ARB2A: variants seen among roughly 807,000 people sequenced by gnomAD.
The protein encoded by ARB2A is ARB2 cotranscriptional regulator A.
the ARB2A span, among the ~76,000 whole-genome samples, chr5:93,650,854 T>A: frequency 6.7e-6 from 1 of 150,330 alleles, no homozygotes. Context: ...TATCCAGGCA[T>A]GGTCGTGCAT....
the ARB2A span, among the ~76,000 whole-genome samples, chr5:93,747,114 C>T: frequency 6.6e-6 from 1 of 151,988 alleles, no homozygotes; most frequent in African/African-American, 2.4e-5. Context: ...CATTGCACTG[C>T]ACAATAAAAT....
At chr5:93,999,163 T>A in the ARB2A span, among the ~76,000 whole-genome samples, 1 of 152,014 alleles carries the variant, frequency 6.6e-6, no homozygotes, top group African/African-American at 2.4e-5. Context: ...AAGGCATTTT[T>A]TTTTTTTCTA....
the ARB2A span, among the ~76,000 whole-genome samples, chr5:94,010,647 A>C: frequency 1.1e-4 from 17 of 152,116 alleles, no homozygotes; most frequent in Admixed American, 4.6e-4. Context: ...TCTCATTTAC[A>C]GTCTATATAA....
At chr5:93,849,335 T>G in the ARB2A span, among the ~76,000 whole-genome samples, 1 of 152,118 alleles carries the variant, frequency 6.6e-6, no homozygotes, top group Non-Finnish European at 1.5e-5. Flanking sequence ...AAATACAGAA[T>G]GTAAAAAGAA....
chr5:93,708,912 A>G, the ARB2A span, among the ~76,000 whole-genome samples: 2 of 152,200 alleles, frequency 1.3e-5, no homozygotes, highest in Non-Finnish European at 2.9e-5. Context: ...TATAAAGTTT[A>G]GGTATAAGAT....
chr5:93,977,414 T>C, the ARB2A span, among the ~76,000 whole-genome samples: 1 of 151,864 alleles, frequency 6.6e-6, no homozygotes, highest in Non-Finnish European at 1.5e-5. Context: ...GGTACAAAAA[T>C]AGATACATAG....
chr5:93,761,736 C>G, the ARB2A span, among the ~76,000 whole-genome samples: 2 of 152,200 alleles, frequency 1.3e-5, no homozygotes, highest in African/African-American at 4.8e-5. Context: ...AGCTGGAGAT[C>G]TGAGAACAGA....
the ARB2A span, among the ~76,000 whole-genome samples, chr5:93,950,082 A>G: frequency 1.6e-4 from 25 of 152,130 alleles, no homozygotes; most frequent in African/African-American, 6.0e-4. Flanking sequence ...CATTGCATAT[A>G]TGTACCACAT....
At chr5:93,758,181 C>T in the ARB2A span, among the ~76,000 whole-genome samples, 1 of 152,092 alleles carries the variant, frequency 6.6e-6, no homozygotes, top group African/African-American at 2.4e-5. Context: ...AAGGCCTTGT[C>T]CAACAGGAAA....
the ARB2A span, among the ~76,000 whole-genome samples, chr5:93,754,488 T>A: frequency 1.3e-5 from 2 of 152,168 alleles, no homozygotes; most frequent in Non-Finnish European, 2.9e-5. Flanking sequence ...GGGCTGAAAG[T>A]ACATAAGCCT....
chr5:94,016,572 C>T, the ARB2A span, among the ~76,000 whole-genome samples: 2 of 152,178 alleles, frequency 1.3e-5, no homozygotes, highest in African/African-American at 2.4e-5. Flanking sequence ...GATGAAGCAG[C>T]TAATATGTTA....
chr5:93,752,938 C>T, the ARB2A span, among the ~76,000 whole-genome samples: 104 of 152,162 alleles, frequency 6.8e-4, no homozygotes, highest in South Asian at 2.3e-3. Flanking sequence ...GTTAACTCTA[C>T]AGTAATAAAA....
chr5:93,895,949 T>C, the ARB2A span, among the ~76,000 whole-genome samples: 1 of 151,878 alleles, frequency 6.6e-6, no homozygotes, highest in Non-Finnish European at 1.5e-5. Context: ...AATATTTATA[T>C]CAAGTAGAAA....
chr5:93,773,293 C>G, the ARB2A span, among the ~76,000 whole-genome samples: 15 of 152,186 alleles, frequency 9.9e-5, no homozygotes, highest in Admixed American at 6.5e-4. Context: ...ACTGAATCAA[C>G]AGGACATGGA....
the ARB2A span, among the ~76,000 whole-genome samples, chr5:94,069,050 A>ATAGATAGG: frequency 1.3e-5 from 2 of 150,032 alleles, no homozygotes; most frequent in African/African-American, 4.9e-5. Context: ...AGATAGATAG[A>ATAGATAGG]TAGATAGATA....
chr5:93,913,367 G>A, the ARB2A span, among the ~76,000 whole-genome samples: 1 of 151,904 alleles, frequency 6.6e-6, no homozygotes, highest in East Asian at 1.9e-4. Context: ...AAGGGGTCAT[G>A]TTCAGCTAAG....
the ARB2A span, among the ~76,000 whole-genome samples, chr5:93,981,640 T>C: frequency 6.6e-6 from 1 of 151,722 alleles, no homozygotes; most frequent in African/African-American, 2.4e-5. Context: ...AAATATTTAA[T>C]ATAATATTTA....
chr5:94,053,802 C>T, the ARB2A span, among the ~76,000 whole-genome samples: 3 of 152,112 alleles, frequency 2.0e-5, no homozygotes, highest in Admixed American at 6.6e-5. Flanking sequence ...GGTCTCACTC[C>T]GTCACCTAGG....
At chr5:93,771,076 A>T in the ARB2A span, among the ~76,000 whole-genome samples, 2 of 152,366 alleles carry the variant, frequency 1.3e-5, no homozygotes, top group South Asian at 4.1e-4. Flanking sequence ...TACACTAACC[A>T]AAACAGCATG....
Sources: gnomAD v4.1 joint callset for allele counts (sites outside exome capture counted in the v4.1 genomes callset) on GRCh38, gnomAD v4.1.1 for gene constraint, MANE v1.5 for transcripts, NCBI Gene and HGNC (gene_info 2026-07-23, HGNC 2026-07-21) for gene names.